The following TENT4A variants were observed in gnomAD, a reference collection of about 807,000 sequenced individuals.
TENT4A encodes the protein DNA polymerase kappa.
In TENT4A, 7 loss-of-function variants were observed where a neutral mutation model predicts 72.8. The observed-to-expected ratio is 0.10, with a 90% CI of 0.05 to 0.18. The LOEUF (loss-of-function observed/expected upper bound fraction) is 0.18, where lower values mean the gene tolerates loss of function less well. TENT4A is among the 10% of genes least tolerant of loss of function. The probability of loss-of-function intolerance (pLI) is 1.00; values close to 1 mark genes in which losing one functional copy is unlikely to be tolerated. For synonymous variants in TENT4A, 456 were observed against 434.3 expected (o/e 1.05, Z -0.62); for missense variants, 831 against 1,017.7 (o/e 0.82, Z 2.50).
intron 5 of TENT4A, among the ~76,000 whole-genome samples, chr5:6,742,953 C>CT (rs3215067): frequency 0.045 from 6,876 of 152,220 alleles, 209 homozygotes; most frequent in South Asian, 0.097. Flanking sequence ...AATATACTCA[C>CT]TTTGGGAGGT....
At chr5:6,750,758 T>A in intron 10 of TENT4A, 1 of 552,548 alleles carries the variant, frequency 1.8e-6, no homozygotes. Context: ...TGAACTACAG[T>A]GGACTTCCTT....
intron 11 of TENT4A, among the ~76,000 whole-genome samples, chr5:6,751,747 T>G (rs1742419414): frequency 6.6e-6 from 1 of 152,258 alleles, no homozygotes; most frequent in African/African-American, 2.4e-5. Flanking sequence ...CTACTTGCGA[T>G]TATACATCAC....
chr5:6,729,984 A>G (rs1449206930), intron 1 of TENT4A, among the ~76,000 whole-genome samples: 1 of 152,122 alleles, frequency 6.6e-6, no homozygotes, highest in Non-Finnish European at 1.5e-5. Context: ...GAACCAATGC[A>G]GATTCCCAAG....
intron 1 of TENT4A, among the ~76,000 whole-genome samples, chr5:6,719,135 A>G (rs766543882): frequency 1.3e-5 from 2 of 152,240 alleles, no homozygotes. Context: ...AGTAATTTTA[A>G]GTAAATATTT....
chr5:6,731,582 C>T (rs1474956437), intron 1 of TENT4A, among the ~76,000 whole-genome samples: 1 of 151,402 alleles, frequency 6.6e-6, no homozygotes, highest in Non-Finnish European at 1.5e-5. Flanking sequence ...CACTGTTGCC[C>T]AGACTAGAGT....
At position 6,742,579 on chromosome 5, in the gene TENT4A, C is replaced by T; in HGVS notation, c.1098C>T (p.Phe366=). Residue 366 remains phenylalanine (F), a synonymous_variant, in exon 5 of 13, where the codon TTC becomes TTT. Transcript: ENST00000230859. ...AGACGGGCGTCCGGGCAGCGGAGTT[C>T]ATCAAGAATTACATGAAGGTACTGT... ...NMETGVRAAE[F]IKNYMKKYSL... 1 of 1,609,410 alleles carries T rather than the reference C, an allele frequency of 6.2e-7. No homozygotes were observed. The highest frequency in any genetic ancestry group is 8.5e-7 in the Non-Finnish European group (1 of 1,175,724).
At chr5:6,728,300 A>G (rs1441441340) in intron 1 of TENT4A, among the ~76,000 whole-genome samples, 2 of 152,226 alleles carry the variant, frequency 1.3e-5, no homozygotes, top group Non-Finnish European at 2.9e-5. Context: ...TCACCAATGA[A>G]TAGTAACAGT....
At position 6,754,773 on chromosome 5, in the gene TENT4A, C is replaced by G. The variant is rs184218968; in HGVS notation, c.2207C>G (p.Ser736Cys). The G allele has an allele frequency of 8.2e-6, 13 of 1,593,022 alleles. No homozygotes were observed. In the Admixed American group the frequency reaches 2.2e-4, roughly 27 times the overall value. Residue 736 changes from serine to cysteine, a missense_variant, in exon 13 of 13, where the codon TCC becomes TGC. Physicochemically the swap from Ser to Cys is moderately radical, Grantham distance 112. Coordinates refer to ENST00000230859, the MANE Select transcript of TENT4A (RefSeq NM_006999.6). Reference protein sequence around the residue: ...YHKQHNGMKLSMKGSHGHTQG... With the variant: ...YHKQHNGMKLCMKGSHGHTQG... Reference sequence around the variant, plus strand: ...CAGCAGCACAACGGCATGAAACTGTCCATGAAGGGCTCTCACGGCCACACC... The same window carrying G: ...CAGCAGCACAACGGCATGAAACTGTGCATGAAGGGCTCTCACGGCCACACC...
chr5:6,718,133 C>T (rs1339485687), intron 1 of TENT4A, among the ~76,000 whole-genome samples: 2 of 152,214 alleles, frequency 1.3e-5, no homozygotes, highest in South Asian at 2.1e-4. Context: ...CCTTTAATAT[C>T]TTCTATTAAC....
chr5:6,738,842 C>A, intron 3 of TENT4A, 113 bp downstream of exon 3: 1 of 794,736 alleles, frequency 1.3e-6, no homozygotes. Context: ...GAAATGCCAG[C>A]TAAAGGAAAA....
rs1002565750 is a variant in TENT4A at position 6,714,203 on chromosome 5, C to T, written c.220C>T (p.Pro74Ser). ...CCCCGCGCTGCCCGCCGCGTCGCCC[C>T]CGCCGCCCGGCCCCACCGCGCCCGC... ...LGPALPAASP[P>S]PPGPTAPAAL... Residue 74 changes from proline to serine, a missense_variant, in exon 1 of 13, where the codon CCG (proline) becomes TCG (serine). By Grantham distance (74) the Pro-to-Ser change is moderately conservative. Coordinates refer to ENST00000230859, the MANE Select transcript of TENT4A (RefSeq NM_006999.6). 1 of 971,992 alleles carries T rather than the reference C, an allele frequency of 1.0e-6. No homozygotes were observed. Among genetic ancestry groups the T allele is most frequent in the African/African-American group, 1.8e-5 (1 of 55,942 alleles). 60.2% of individuals were successfully genotyped at this position (971,992 alleles called of 1,614,324 possible).
chr5:6,731,446 G>T (rs945630590), intron 1 of TENT4A, among the ~76,000 whole-genome samples: 1 of 152,160 alleles, frequency 6.6e-6, no homozygotes, highest in Non-Finnish European at 1.5e-5. Flanking sequence ...AGACCTGAGT[G>T]TTGAGAGTTG....
intron 1 of TENT4A, among the ~76,000 whole-genome samples, chr5:6,722,500 C>T (rs1426532281): frequency 6.7e-6 from 1 of 149,854 alleles, no homozygotes; most frequent in Non-Finnish European, 1.5e-5. Context: ...AACATTTTAA[C>T]AATGCCTTAA....
At chr5:6,724,020 C>T (rs1740783988) in intron 1 of TENT4A, among the ~76,000 whole-genome samples, 1 of 152,226 alleles carries the variant, frequency 6.6e-6, no homozygotes, top group Non-Finnish European at 1.5e-5. Context: ...AGCGCAGCTG[C>T]CTCAGTCAGC....
Position 6,738,591 on chromosome 5 carries a change from G to T in TENT4A, c.841-92G>T, listed in dbSNP as rs977190605. On this transcript the variant is annotated intron_variant, in intron 2 of 12. Coordinates refer to ENST00000230859, the MANE Select transcript of TENT4A (RefSeq NM_006999.6). ...AGGTAGTTTTATTTTTTACCCAAGG[G>T]TATAGTGAGGGCTTTCTTTTAGTAA... 2.8e-5 allele frequency: 26 copies of T among 913,936 alleles called. 1 individual carries two copies. In the Admixed American group the frequency reaches 3.6e-4, roughly 13 times the overall value. 56.6% of individuals were successfully genotyped at this position (913,936 alleles called of 1,614,324 possible). A position where few individuals can be genotyped will look rare whatever the true frequency, so the allele number is the denominator to read the frequency against.
intron 7 of TENT4A, 26 bp downstream of exon 7, chr5:6,746,453 T>C (rs1045943848): frequency 5.0e-6 from 8 of 1,608,224 alleles, no homozygotes; most frequent in Non-Finnish European, 6.8e-6. Context: ...TCTCCACTGC[T>C]GAGAGCTGGG....
chr5:6,726,720 G>A (rs762990375), intron 1 of TENT4A, among the ~76,000 whole-genome samples: 50 of 152,136 alleles, frequency 3.3e-4, no homozygotes, highest in Non-Finnish European at 6.0e-4. Context: ...GTCCTCTCTG[G>A]CTTGGAGGGT....
At position 6,713,922 on chromosome 5, in the gene TENT4A, CGGCGGGGGCGG is replaced by C. The variant is rs886966147; in HGVS notation, c.-58_-48del. The C allele has an allele frequency of 2.8e-6, 2 of 710,134 alleles. No individual in the cohort carries two copies. Among genetic ancestry groups the C allele is most frequent in the African/African-American group, 3.9e-5 (2 of 51,180 alleles). The allele number at this position is 710,134 out of a possible 1,614,324, so 44.0% of individuals were successfully genotyped here. A position where few individuals can be genotyped will look rare whatever the true frequency, so the allele number is the denominator to read the frequency against. ...GCGCGCGCGGCCGGGCCTCGGGGCGCGGCGGGGGCGGGGCCGCGTCGGGGCGGGCGGGCGCG... is the reference window on the plus strand; with the variant it reads ...GCGCGCGCGGCCGGGCCTCGGGGCGCGGCCGCGTCGGGGCGGGCGGGCGCG... On this transcript the variant is annotated 5_prime_UTR_variant, in exon 1 of 13. Coordinates refer to ENST00000230859, the MANE Select transcript of TENT4A (RefSeq NM_006999.6).
chr5:6,718,550 C>G (rs771890195), intron 1 of TENT4A, among the ~76,000 whole-genome samples: 3 of 152,236 alleles, frequency 2.0e-5, no homozygotes, highest in African/African-American at 7.2e-5. Flanking sequence ...CTGAGTTTCA[C>G]TCTCCGAGTC....
Sources: allele counts gnomAD v4.1 joint callset (sites outside exome capture counted in the v4.1 genomes callset), GRCh38; gene constraint gnomAD v4.1.1; transcripts MANE v1.5; gene names NCBI Gene and HGNC (gene_info 2026-07-23, HGNC 2026-07-21).